Variants in PRR12 observed in about 807,000 individuals in gnomAD.
The protein encoded by PRR12 is proline-rich protein 12.
In PRR12, 12 loss-of-function variants were observed where a neutral mutation model predicts 138.0. That is an observed-to-expected ratio of 0.09 (90% CI 0.06 to 0.14). The LOEUF (loss-of-function observed/expected upper bound fraction) is 0.14, where lower values mean the gene tolerates loss of function less well. Ranked by LOEUF, PRR12 falls within the 10% of genes least tolerant of loss-of-function variation. The probability of loss-of-function intolerance (pLI) is 1.00; values close to 1 mark genes in which losing one functional copy is unlikely to be tolerated. For synonymous variants in PRR12, 1,567 were observed against 1,291.7 expected (o/e 1.21, Z -4.57); for missense variants, 2,692 against 2,861.3 (o/e 0.94, Z 1.35).
Position 49,615,955 on chromosome 19 carries a change from G to A in PRR12, c.5233G>A (p.Glu1745Lys). 3 of 1,553,370 alleles carry A rather than the reference G, an allele frequency of 1.9e-6. No homozygotes were observed. The South Asian group carries it at 3.6e-5, about 18-fold the overall frequency. ...GCCTGTTGAGAAGGAAAAGGAGAAG[G>A]AGAAGGTGACACGTGGAGAGCGGCC... ...LRPVEKEKEK[E>K]KVTRGERPLR... Residue 1745 changes from glutamate (E) to lysine (K), a missense_variant, in exon 9 of 14, where the codon GAG becomes AAG. Glu to Lys is a moderately conservative substitution (Grantham distance 56). This residue lies in a region of PRR12 where 259 missense variants were observed against 265.1 expected (regional missense o/e 0.98). Transcript: ENST00000418929.
At position 49,594,782 on chromosome 19, in the gene PRR12, G is replaced by A. The variant is rs752378177; in HGVS notation, c.447G>A (p.Ser149=). 3.1e-6 allele frequency: 5 copies of A among 1,613,302 alleles called. No homozygotes were observed. Among genetic ancestry groups the A allele is most frequent in the African/African-American group, 1.3e-5 (1 of 74,972 alleles). The change falls in exon 4 of 14, where the codon TCG becomes TCA. Residue 149 remains serine (S), a synonymous_variant. Coordinates refer to ENST00000418929, the MANE Select transcript of PRR12 (RefSeq NM_020719.3). The surrounding 1 kb of genome is among the most constrained non-coding windows in gnomAD (Gnocchi z 5.6). ...CCTTTCCGTCCTCATCTGCCCTGTC[G>A]GCTTACCAACACCCGGCTTCCTTCG... is the stretch of plus-strand genomic sequence containing the variant. ...SSTFPSSSAL[S]AYQHPASFGS... is the part of the protein sequence containing the mutation.
chr19:49,611,662 G>C (rs1469555870), intron 6 of PRR12, among the ~76,000 whole-genome samples: 262 of 143,614 alleles, frequency 1.8e-3, no homozygotes, highest in African/African-American at 6.3e-3. Flanking sequence ...GGTGGCTCAC[G>C]CCTGTAATCC....
chr19:49,619,920 A>G (rs1165920395), intron 9 of PRR12, among the ~76,000 whole-genome samples: 2 of 139,154 alleles, frequency 1.4e-5, no homozygotes, highest in African/African-American at 5.6e-5. Flanking sequence ...CAATGGCACA[A>G]TCTTGGCTCA....
At chr19:49,613,201 C>T (rs549069425) in intron 6 of PRR12, among the ~76,000 whole-genome samples, 3 of 151,532 alleles carry the variant, frequency 2.0e-5, no homozygotes, top group South Asian at 2.1e-4. Context: ...AGCCTGGTAT[C>T]GTAGGTGCCT....
chr19:49,624,124 G>A (rs576688430), intron 11 of PRR12, among the ~76,000 whole-genome samples: 10 of 151,426 alleles, frequency 6.6e-5, no homozygotes, highest in Non-Finnish European at 1.3e-4. Flanking sequence ...AGAATTCTGG[G>A]GTAGGTGGTT....
chr19:49,595,751 C>G lies in PRR12; in HGVS notation c.1416C>G (p.Ala472=). Reference sequence around the variant, plus strand: ...GGCAGGCACAGGACTTGAGCAAAGCCCCCAGCTACTCAGGGGGCCCCCCAC... The same window carrying G: ...GGCAGGCACAGGACTTGAGCAAAGCGCCCAGCTACTCAGGGGGCCCCCCAC... The part of the protein sequence containing the change: ...GGGQAQDLSK[A]PSYSGGPPQP... Residue 472 remains alanine, a synonymous_variant, in exon 4 of 14, where the codon GCC becomes GCG. Coordinates refer to ENST00000418929, the MANE Select transcript of PRR12 (RefSeq NM_020719.3). 1 of 1,600,436 alleles carries G rather than the reference C, an allele frequency of 6.2e-7. No individual in the cohort carries two copies. The highest frequency in any genetic ancestry group is 8.5e-7 in the Non-Finnish European group (1 of 1,173,828).
At chr19:49,620,621 G>C in intron 10 of PRR12, 144 bp downstream of exon 10, 1 of 1,246,426 alleles carries the variant, frequency 8.0e-7, no homozygotes, top group East Asian at 2.5e-5. Flanking sequence ...GCCTGGACCT[G>C]GGTCTGAGAG....
chr19:49,615,900 C>G lies in PRR12; in HGVS notation c.5178C>G (p.Pro1726=). Residue 1726 remains proline (P), a synonymous_variant, in exon 9 of 14, where the codon CCC becomes CCG. Transcript: ENST00000418929. The part of the protein sequence containing the change: ...EQTPETAMPE[P]PAPEKPSLLR... Reference sequence around the variant, plus strand: ...CTCCTGAGACGGCCATGCCTGAGCCCCCTGCCCCCGAGAAGCCCTCCCTCC... The same window carrying G: ...CTCCTGAGACGGCCATGCCTGAGCCGCCTGCCCCCGAGAAGCCCTCCCTCC... 1 of 1,568,198 alleles carries G rather than the reference C, an allele frequency of 6.4e-7. No homozygotes were observed. Among genetic ancestry groups the G allele is most frequent in the Admixed American group, 1.9e-5 (1 of 52,462 alleles).
In PRR12 at chr19:49,591,632, C is replaced by CTCCCCT; in HGVS notation, c.-23_-22insTCCCCT. The CTCCCCT allele has an allele frequency of 7.7e-7, 1 of 1,292,512 alleles. No individual in the cohort carries two copies. Among genetic ancestry groups the CTCCCCT allele is most frequent in the South Asian group, 1.5e-5 (1 of 66,532 alleles). The allele number at this position is 1,292,512 out of a possible 1,614,324, so 80.1% of individuals were successfully genotyped here. A position where few individuals can be genotyped will look rare whatever the true frequency, so the allele number is the denominator to read the frequency against. On this transcript the variant is annotated 5_prime_UTR_variant, in exon 1 of 14. Coordinates refer to ENST00000418929, the MANE Select transcript of PRR12 (RefSeq NM_020719.3). ...CCTCCCTCCCTCCCTCCCCCTCCCCCCAATTTCCACCGCGGCCAATTCATG... is the reference window on the plus strand; with the variant it reads ...CCTCCCTCCCTCCCTCCCCCTCCCCCTCCCCTCAATTTCCACCGCGGCCAATTCATG...
rs752164861 is a variant in PRR12, at chr19:49,599,707, C to A, written c.4114C>A (p.Arg1372=). The A allele has an allele frequency of 6.2e-7, 1 of 1,613,404 alleles. No homozygotes were observed. The highest frequency in any genetic ancestry group is 1.7e-5 in the Admixed American group (1 of 60,010). The change falls in exon 5 of 14, where the codon CGG becomes AGG. Residue 1372 remains arginine, a synonymous_variant. Transcript: ENST00000418929. This position sits in a 1 kb window ranked among gnomAD's most constrained non-coding sequence, Gnocchi z 5.0. Reference sequence around the variant, plus strand: ...CAAGCGGCTTGATGAGGAGCTGAAGCGGAACCTCGAGACGCTGCCCTCCTT... The same window carrying A: ...CAAGCGGCTTGATGAGGAGCTGAAGAGGAACCTCGAGACGCTGCCCTCCTT... ...PCKRLDEELK[R]NLETLPSFSS...
Position 49,614,602 on chromosome 19 carries a change from A to G in PRR12, c.4843A>G (p.Thr1615Ala), listed in dbSNP as rs1225245576. 6.4e-7 allele frequency: 1 copy of G among 1,564,830 alleles called. No homozygotes were observed. Among genetic ancestry groups the G allele is most frequent in the East Asian group, 2.4e-5 (1 of 41,842 alleles). Residue 1615 changes from threonine (T) to alanine (A), a missense_variant, in exon 7 of 14, where the codon ACT becomes GCT. This residue lies in a region of PRR12 where 92 missense variants were observed against 174.1 expected (regional missense o/e 0.53). Coordinates refer to ENST00000418929, the MANE Select transcript of PRR12 (RefSeq NM_020719.3). This position sits in a 1 kb window ranked among gnomAD's most constrained non-coding sequence, Gnocchi z 5.0. ...CCAGAAGGCCCTTCTGCAGAAATTC[A>G]CTCCGGAGATCAAGGACGGCCAGAG... ...RVQKALLQKF[T>A]PEIKDGQRQF... is the part of the protein sequence containing the mutation.
chr19:49,592,707 G>A (rs1008886449), intron 1 of PRR12, among the ~76,000 whole-genome samples: 5 of 152,104 alleles, frequency 3.3e-5, no homozygotes, highest in African/African-American at 1.2e-4. Flanking sequence ...CATTGCATGG[G>A]CCCATGCATT....
chr19:49,625,378 C>A lies in PRR12; in HGVS notation c.5965-83C>A. ...GTCTCCCTGGGACACTGACATCTGACACCCCAGGCCCCATGCCCCAGCCCC... is the reference window on the plus strand; with the variant it reads ...GTCTCCCTGGGACACTGACATCTGAAACCCCAGGCCCCATGCCCCAGCCCC... On this transcript the variant is annotated intron_variant, in intron 13 of 13. Transcript: ENST00000418929. The surrounding 1 kb of genome is among the most constrained non-coding windows in gnomAD (Gnocchi z 5.5). 6.8e-7 allele frequency: 1 copy of A among 1,464,968 alleles called. No individual in the cohort carries two copies. 90.7% of individuals were successfully genotyped at this position (1,464,968 alleles called of 1,614,324 possible).
intron 6 of PRR12, among the ~76,000 whole-genome samples, chr19:49,606,901 A>G (rs2080841365): frequency 6.6e-6 from 1 of 152,164 alleles, no homozygotes; most frequent in Non-Finnish European, 1.5e-5. Flanking sequence ...AACAAGCCAT[A>G]GACCATTGTT....
At position 49,597,360 on chromosome 19, in the gene PRR12, G is replaced by A; in HGVS notation, c.3025G>A (p.Gly1009Ser). Reference protein sequence around the residue: ...SGAGPETPGLGLDPNKPPELP... With the variant: ...SGAGPETPGLSLDPNKPPELP... ...AGCCGGGCCCGAGACACCGGGCCTG[G>A]GCCTGGACCCCAACAAACCGCCTGA... The change falls in exon 4 of 14, where the codon GGC (glycine) becomes AGC (serine). Residue 1009 changes from glycine to serine, a missense_variant. Gly to Ser is a moderately conservative substitution (Grantham distance 56, BLOSUM62 0). Around this residue, in one of 11 missense-constraint regions of PRR12, gnomAD observed 840 missense variants for 689.8 expected, o/e 1.22. Coordinates refer to ENST00000418929, the MANE Select transcript of PRR12 (RefSeq NM_020719.3). This position sits in a 1 kb window ranked among gnomAD's most constrained non-coding sequence, Gnocchi z 6.3. 7.8e-6 allele frequency: 12 copies of A among 1,538,984 alleles called. No individual in the cohort carries two copies. Among genetic ancestry groups the A allele is most frequent in the Non-Finnish European group, 9.6e-6 (11 of 1,146,858 alleles).
At position 49,599,888 on chromosome 19, in the gene PRR12, G is replaced by A. The variant is rs2080800151; in HGVS notation, c.4295G>A (p.Gly1432Glu). 1 of 1,611,732 alleles carries A rather than the reference G, an allele frequency of 6.2e-7. No homozygotes were observed. The highest frequency in any genetic ancestry group is 1.1e-5 in the South Asian group (1 of 91,020). The change falls in exon 5 of 14, where the codon GGG becomes GAG. Residue 1432 changes from glycine to glutamate, a missense_variant. Coordinates refer to ENST00000418929, the MANE Select transcript of PRR12 (RefSeq NM_020719.3). The surrounding 1 kb of genome is among the most constrained non-coding windows in gnomAD (Gnocchi z 5.0). ...PPLAPAAAVP[G>E]PPPLPGLPSA... ...TTGGCCCCCGCGGCTGCAGTTCCAG[G>A]GCCACCCCCTCTTCCGGGGCTCCCC... is the stretch of plus-strand genomic sequence containing the variant.
intron 9 of PRR12, among the ~76,000 whole-genome samples, chr19:49,617,946 A>T (rs1329747804): frequency 6.6e-6 from 1 of 152,068 alleles, no homozygotes; most frequent in African/African-American, 2.4e-5. Flanking sequence ...AAAAATAAAA[A>T]AATTAGCCGG....
chr19:49,594,958 T>G lies in PRR12; in HGVS notation c.623T>G (p.Leu208Arg). ...TVPSSLGFER[L>R]AGGGVLGPAG... Reference sequence around the variant, plus strand: ...CCCTCTTCACTGGGCTTCGAGCGCCTGGCAGGGGGCGGTGTCTTGGGGCCA... The same window carrying G: ...CCCTCTTCACTGGGCTTCGAGCGCCGGGCAGGGGGCGGTGTCTTGGGGCCA... The change falls in exon 4 of 14, where the codon CTG becomes CGG. Residue 208 changes from leucine to arginine, a missense_variant. By Grantham distance (102) the Leu-to-Arg change is moderately radical. Coordinates refer to ENST00000418929, the MANE Select transcript of PRR12 (RefSeq NM_020719.3). This position sits in a 1 kb window ranked among gnomAD's most constrained non-coding sequence, Gnocchi z 5.6. 1.2e-6 allele frequency: 2 copies of G among 1,600,884 alleles called. No homozygotes were observed. The highest frequency in any genetic ancestry group is 1.7e-6 in the Non-Finnish European group (2 of 1,174,914).
Position 49,597,084 on chromosome 19 carries a change from A to C in PRR12, c.2749A>C (p.Ser917Arg). 6.4e-7 allele frequency: 1 copy of C among 1,552,188 alleles called. No homozygotes were observed. The highest frequency in any genetic ancestry group is 8.7e-7 in the Non-Finnish European group (1 of 1,148,212). The stretch of plus-strand genomic sequence containing the variant: ...TCCCGCAGGCGCCTACCGCAGCCCC[A>C]GCCCGCAAGGCACCAAGGCGCCGCG... ...KDPAGAYRSP[S>R]PQGTKAPRFV... is the part of the protein sequence containing the mutation. The change falls in exon 4 of 14, where the codon AGC becomes CGC. Residue 917 changes from serine (S) to arginine (R), a missense_variant. Physicochemically the swap from Ser to Arg is moderately radical, Grantham distance 110 (BLOSUM62 -1). This residue lies in a region of PRR12 where 840 missense variants were observed against 689.8 expected (regional missense o/e 1.22). Transcript: ENST00000418929. The surrounding 1 kb of genome is among the most constrained non-coding windows in gnomAD (Gnocchi z 6.3).
Sources: gnomAD v4.1 joint callset for allele counts (sites outside exome capture counted in the v4.1 genomes callset) on GRCh38, gnomAD v4.1.1 for gene constraint, gnomAD v4.1.1 regional missense constraint, Gnocchi (gnomAD v3.1) non-coding constraint, MANE v1.5 for transcripts, NCBI Gene and HGNC (gene_info 2026-07-23, HGNC 2026-07-21) for gene names.